Variants in FBXO22 observed in about 807,000 individuals in gnomAD.
The protein encoded by FBXO22 is F-box protein 22.
Under a neutral mutation model 37.2 loss-of-function variants are expected in FBXO22, and 13 were observed. The ratio of observed to expected loss-of-function variants is 0.35; its 90% CI spans 0.23 to 0.56. The LOEUF is 0.56. Ranked by LOEUF, FBXO22 falls within the 20% of genes least tolerant of loss-of-function variation. The pLI, the probability that FBXO22 is intolerant of heterozygous loss-of-function variation, is 0.87. For missense variants in FBXO22, 446 were observed against 509.9 expected (o/e 0.87, Z 1.21); for synonymous variants, 189 against 189.1 (o/e 1.00, Z 0.00).
chr15:75,935,615 T>C lies in FBXO22; in HGVS notation c.*2513T>C, dbSNP rs1343574003. 4 of 150,400 alleles carry C rather than the reference T, an allele frequency of 2.7e-5. No homozygotes were observed. Among genetic ancestry groups the C allele is most frequent in the African/African-American group, 9.8e-5 (4 of 40,736 alleles). The allele number at this position is 150,400 out of a possible 1,614,324, so 9.3% of individuals were successfully genotyped here. On this transcript the variant is annotated 3_prime_UTR_variant, in exon 7 of 7. Transcript: ENST00000308275. ...ATCCACCCTTGCAGACTGATAAAAG[T>C]GGGCAATCTAGTAGGCCAGTTCACA...
chr15:75,925,783 C>T (rs1194118744), intron 5 of FBXO22, among the ~76,000 whole-genome samples: 1 of 151,882 alleles, frequency 6.6e-6, no homozygotes, highest in Non-Finnish European at 1.5e-5. Flanking sequence ...AGATCAGGCT[C>T]AACTCCAAAT....
rs751316871 is a variant in FBXO22, at chr15:75,904,057, C to T, written c.94C>T (p.Arg32Cys). 1.6e-5 allele frequency: 25 copies of T among 1,557,860 alleles called. No homozygotes were observed. The Admixed American group carries it at 2.5e-4, about 16-fold the overall frequency. The part of the protein sequence containing the change: ...VLSNLAEVVE[R>C]VLTFLPAKAL... ...GAGTAACCTGGCGGAGGTGGTGGAGCGTGTGCTCACCTTCCTGCCCGCCAA... is the reference window on the plus strand; with the variant it reads ...GAGTAACCTGGCGGAGGTGGTGGAGTGTGTGCTCACCTTCCTGCCCGCCAA... The change falls in exon 1 of 7, where the codon CGT (arginine) becomes TGT (cysteine). Residue 32 changes from arginine to cysteine, a missense_variant. Arg to Cys is a radical substitution (Grantham distance 180). This residue lies in a region of FBXO22 where 131 missense variants were observed against 99.8 expected (regional missense o/e 1.31). Transcript: ENST00000308275.
At chr15:75,904,137 T>C (rs932384815) in intron 1 of FBXO22, 34 bp downstream of exon 1, 6 of 1,516,446 alleles carry the variant, frequency 4.0e-6, no homozygotes, top group Non-Finnish European at 5.3e-6. Context: ...GAAGCTTGCC[T>C]GGGGACACGC....
At position 75,904,016 on chromosome 15, in the gene FBXO22, G is replaced by A. The variant is rs768987380; in HGVS notation, c.53G>A (p.Arg18Gln). 16 of 1,579,566 alleles carry A rather than the reference G, an allele frequency of 1.0e-5. No homozygotes were observed. The East Asian group carries it at 2.3e-4, about 23-fold the overall frequency. ...GECRGSSVDP[R>Q]STFVLSNLAE... ...TGCCGCGGCTCCTCCGTAGACCCGC[G>A]GAGCACCTTCGTGTTGAGTAACCTG... is the stretch of plus-strand genomic sequence containing the variant. Residue 18 changes from arginine to glutamine, a missense_variant, in exon 1 of 7, where the codon CGG (arginine) becomes CAG (glutamine). Around this residue, in one of 2 missense-constraint regions of FBXO22, gnomAD observed 131 missense variants for 99.8 expected, o/e 1.31. Transcript: ENST00000308275.
Position 75,933,828 on chromosome 15 carries a change from T to C in FBXO22, c.*726T>C. 1 of 192,830 alleles carries C rather than the reference T, an allele frequency of 5.2e-6. No homozygotes were observed. The highest frequency in any genetic ancestry group is 7.2e-5 in the South Asian group (1 of 13,982). 11.9% of individuals were successfully genotyped at this position (192,830 alleles called of 1,614,324 possible). A position where few individuals can be genotyped will look rare whatever the true frequency, so the allele number is the denominator to read the frequency against. On this transcript the variant is annotated 3_prime_UTR_variant, in exon 7 of 7. Coordinates refer to ENST00000308275, the MANE Select transcript of FBXO22 (RefSeq NM_147188.3). ...CAATAAAACATAGCGTGGAACTCAT[T>C]CAGGTAATGTTTTGCATTTCATTGC...
Position 75,904,578 on chromosome 15 carries a change from CG to C in FBXO22, c.230del (p.Gly77AlafsTer12). On this transcript the variant is annotated frameshift_variant, in exon 2 of 7. Coordinates refer to ENST00000308275, the MANE Select transcript of FBXO22 (RefSeq NM_147188.3). LOFTEE classifies it high-confidence loss of function. ...GGATCTCCGCAGGCCTGGCGGAGGC[CG>C]GCCACCTGGAGGGGCATTGCTTGGT... ...TWISAGLAEA[G>X]HLEGHCLVRV... 1 of 1,613,400 alleles carries C rather than the reference CG, an allele frequency of 6.2e-7. No individual in the cohort carries two copies. Among genetic ancestry groups the C allele is most frequent in the Non-Finnish European group, 8.5e-7 (1 of 1,179,552 alleles).
intron 4 of FBXO22, among the ~76,000 whole-genome samples, chr15:75,916,613 A>G (rs1900196999): frequency 6.6e-6 from 1 of 152,180 alleles, no homozygotes; most frequent in African/African-American, 2.4e-5. Context: ...GTAGGGAGGG[A>G]ATGACACAGT....
Position 75,933,239 on chromosome 15 carries a change from C to T in FBXO22, c.*137C>T. On this transcript the variant is annotated 3_prime_UTR_variant, in exon 7 of 7. Coordinates refer to ENST00000308275, the MANE Select transcript of FBXO22 (RefSeq NM_147188.3). ...GTAGCTTTGATTGATGCTCTAAGAT[C>T]ACATGAGGGTAGTATTTAATATATT... 1 of 701,282 alleles carries T rather than the reference C, an allele frequency of 1.4e-6. No individual in the cohort carries two copies. Among genetic ancestry groups the T allele is most frequent in the South Asian group, 1.9e-5 (1 of 51,698 alleles). 43.4% of individuals were successfully genotyped at this position (701,282 alleles called of 1,614,324 possible). A position where few individuals can be genotyped will look rare whatever the true frequency, so the allele number is the denominator to read the frequency against.
In FBXO22 at chr15:75,933,654, G is replaced by T; in HGVS notation, c.*552G>T. The T allele has an allele frequency of 2.8e-5, 5 of 178,706 alleles. No individual in the cohort carries two copies. Among genetic ancestry groups the T allele is most frequent in the South Asian group, 1.8e-4 (2 of 11,162 alleles). The allele number at this position is 178,706 out of a possible 1,614,324, so 11.1% of individuals were successfully genotyped here. On this transcript the variant is annotated 3_prime_UTR_variant, in exon 7 of 7. Transcript: ENST00000308275. ...AAAATTAAAGAACTATTTTTGTTTT[G>T]GTCAGATAAATTGACAAGACTAATC...
At chr15:75,911,664 G>C (rs992610234) in intron 2 of FBXO22, among the ~76,000 whole-genome samples, 4 of 152,030 alleles carry the variant, frequency 2.6e-5, no homozygotes, top group Non-Finnish European at 5.9e-5. Context: ...GAGATTTTGG[G>C]CTGAGATGAC....
Position 75,929,937 on chromosome 15 carries a change from T to C in FBXO22, c.682T>C (p.Cys228Arg). ...RVVLVFGYNCCKVGASNYLQQ... is the reference protein window; with the variant it reads ...RVVLVFGYNCRKVGASNYLQQ... ...GGTCCTTGTCTTTGGTTATAATTGC[T>C]GTAAGGTGGGAGCCAGTAATTATCT... Residue 228 changes from cysteine (C) to arginine (R), a missense_variant, in exon 6 of 7, where the codon TGT becomes CGT. Around this residue, in one of 2 missense-constraint regions of FBXO22, gnomAD observed 315 missense variants for 410.1 expected, o/e 0.77. Coordinates refer to ENST00000308275, the MANE Select transcript of FBXO22 (RefSeq NM_147188.3). 1 of 1,614,148 alleles carries C rather than the reference T, an allele frequency of 6.2e-7. No individual in the cohort carries two copies. Among genetic ancestry groups the C allele is most frequent in the African/African-American group, 1.3e-5 (1 of 75,052 alleles).
Position 75,941,282 on chromosome 15 carries a change from C to T in FBXO22, c.*8180C>T, listed in dbSNP as rs565880522. ...CTCTTATTAAAATTAAAAAAACACA[C>T]AAGTGTTGGCAAGGATGTGGAGAAA... On this transcript the variant is annotated 3_prime_UTR_variant, in exon 7 of 7. Coordinates refer to ENST00000308275, the MANE Select transcript of FBXO22 (RefSeq NM_147188.3). 4 of 152,154 alleles carry T rather than the reference C, an allele frequency of 2.6e-5. No homozygotes were observed. Among genetic ancestry groups the T allele is most frequent in the Admixed American group, 2.6e-4 (4 of 15,286 alleles). 9.4% of individuals were successfully genotyped at this position (152,154 alleles called of 1,614,324 possible).
intron 2 of FBXO22, among the ~76,000 whole-genome samples, chr15:75,906,920 A>G (rs1327105394): frequency 6.6e-6 from 1 of 151,358 alleles, no homozygotes; most frequent in East Asian, 1.9e-4. Context: ...ATTAATGACA[A>G]GAGAAAATGT....
At chr15:75,924,505 T>A (rs1161322398) in intron 5 of FBXO22, among the ~76,000 whole-genome samples, 2 of 151,994 alleles carry the variant, frequency 1.3e-5, no homozygotes, top group Non-Finnish European at 1.5e-5. Context: ...CTTATTCTCC[T>A]CCACCTACAC....
intron 6 of FBXO22, among the ~76,000 whole-genome samples, chr15:75,931,445 C>T (rs925086132): frequency 6.6e-6 from 1 of 152,118 alleles, no homozygotes. Context: ...TTCTTTGAGG[C>T]AAGATTGACA....
Position 75,917,399 on chromosome 15 carries a change from G to C in FBXO22, c.628+5G>C. ...GACATCAACTCACTGAAGTAGGTAAGTTACTTTTATTTATCATTAACTGCT... is the reference window on the plus strand; with the variant it reads ...GACATCAACTCACTGAAGTAGGTAACTTACTTTTATTTATCATTAACTGCT... On this transcript the variant is annotated splice_donor_5th_base_variant and intron_variant, in intron 5 of 6. Coordinates refer to ENST00000308275, the MANE Select transcript of FBXO22 (RefSeq NM_147188.3). 1 of 1,557,562 alleles carries C rather than the reference G, an allele frequency of 6.4e-7. No individual in the cohort carries two copies. Among genetic ancestry groups the C allele is most frequent in the Non-Finnish European group, 8.7e-7 (1 of 1,145,348 alleles).
chr15:75,937,865 A>G lies in FBXO22; in HGVS notation c.*4763A>G, dbSNP rs1280464844. ...GCACTGCTTACAAAAGCTGCAAAGA[A>G]CCACAGGTGCATGGGGCAAGAGGTT... On this transcript the variant is annotated 3_prime_UTR_variant, in exon 7 of 7. Transcript: ENST00000308275. The G allele has an allele frequency of 6.6e-6, 1 of 152,204 alleles. No individual in the cohort carries two copies. Among genetic ancestry groups the G allele is most frequent in the African/African-American group, 2.4e-5 (1 of 41,448 alleles). 9.4% of individuals were successfully genotyped at this position (152,204 alleles called of 1,614,324 possible). A position where few individuals can be genotyped will look rare whatever the true frequency, so the allele number is the denominator to read the frequency against.
At position 75,917,382 on chromosome 15, in the gene FBXO22, C is replaced by A; in HGVS notation, c.616C>A (p.Leu206Ile). ...GAATTTAACATTAGAAAGACATCAA[C>A]TCACTGAAGTAGGTAAGTTACTTTT... ...PKNLTLERHQ[L>I]TEVGLLDNPE... Residue 206 changes from leucine (L) to isoleucine (I), a missense_variant, in exon 5 of 7, where the codon CTC becomes ATC. By Grantham distance (5) the Leu-to-Ile change is conservative. Around this residue, in one of 2 missense-constraint regions of FBXO22, gnomAD observed 315 missense variants for 410.1 expected, o/e 0.77. Coordinates refer to ENST00000308275, the MANE Select transcript of FBXO22 (RefSeq NM_147188.3). 6.3e-7 allele frequency: 1 copy of A among 1,586,590 alleles called. No homozygotes were observed. The highest frequency in any genetic ancestry group is 8.6e-7 in the Non-Finnish European group (1 of 1,160,386).
chr15:75,935,400 A>G lies in FBXO22; in HGVS notation c.*2298A>G, dbSNP rs923845203. On this transcript the variant is annotated 3_prime_UTR_variant, in exon 7 of 7. Transcript: ENST00000308275. ...TACATACTGAGCTGACGATCAGATC[A>G]TAGAATACTTTATTTAATCAAGACA... is the stretch of plus-strand genomic sequence containing the variant. 6.6e-6 allele frequency: 1 copy of G among 152,204 alleles called. No homozygotes were observed. The highest frequency in any genetic ancestry group is 2.4e-5 in the African/African-American group (1 of 41,458). 9.4% of individuals were successfully genotyped at this position (152,204 alleles called of 1,614,324 possible).
Sources: gnomAD v4.1 joint callset for allele counts (sites outside exome capture counted in the v4.1 genomes callset) on GRCh38, gnomAD v4.1.1 for gene constraint, gnomAD v4.1.1 regional missense constraint, MANE v1.5 for transcripts, NCBI Gene and HGNC (gene_info 2026-07-23, HGNC 2026-07-21) for gene names.